The following UGT2B4 variants were observed in gnomAD, a reference collection of about 807,000 sequenced individuals.
UGT2B4 encodes UDP-glucuronosyltransferase 2B4.
A neutral mutation model predicts 49.8 loss-of-function variants in UGT2B4; 49 were observed. The ratio of observed to expected loss-of-function variants is 0.98; its 90% CI spans 0.78 to 1.25. The LOEUF (loss-of-function observed/expected upper bound fraction) is 1.25. Among genes scored for constraint, UGT2B4 ranks in the 50% most tolerant of loss-of-function variants. The pLI, the probability that UGT2B4 is intolerant of heterozygous loss-of-function variation, is 0.00. For missense variants in UGT2B4, 729 were observed against 627.7 expected, an observed-to-expected ratio of 1.16 and a Z score of -1.73; for synonymous variants, 246 against 217.7, an observed-to-expected ratio of 1.13 and a Z score of -1.14.
upstream of UGT2B4, among the ~76,000 whole-genome samples, chr4:69,500,113 G>C: frequency 6.6e-6 from 1 of 152,126 alleles, no homozygotes; most frequent in Admixed American, 6.5e-5. Context: ...GATGCAGCTC[G>C]AAGCCATTAT....
At chr4:69,501,287 A>C (rs1231945876) in intron 1 of UGT2B4, among the ~76,000 whole-genome samples, 1 of 151,590 alleles carries the variant, frequency 6.6e-6, no homozygotes, top group Non-Finnish European at 1.5e-5. Flanking sequence ...TTGCAAATCT[A>C]CTCTACCTAA....
At chr4:69,524,806 G>A (rs977851051) in intron 1 of UGT2B4, among the ~76,000 whole-genome samples, 2 of 152,058 alleles carry the variant, frequency 1.3e-5, no homozygotes, top group Admixed American at 1.3e-4. Flanking sequence ...TTCTGGTGCA[G>A]GGTCATCAGA....
chr4:69,488,865 T>G (rs1468867561), intron 3 of UGT2B4, among the ~76,000 whole-genome samples: 1 of 152,018 alleles, frequency 6.6e-6, no homozygotes, highest in Non-Finnish European at 1.5e-5. Context: ...TGCGGATCCT[T>G]ACACTAGTTG....
At chr4:69,506,488 C>T (rs1278814980) in intron 1 of UGT2B4, among the ~76,000 whole-genome samples, 1 of 151,896 alleles carries the variant, frequency 6.6e-6, no homozygotes, top group African/African-American at 2.4e-5. Context: ...ATAAATGGTT[C>T]CTGGAATTAT....
intron 1 of UGT2B4, among the ~76,000 whole-genome samples, chr4:69,505,354 G>T (rs112513574): frequency 1.3e-5 from 2 of 152,080 alleles, no homozygotes; most frequent in African/African-American, 4.8e-5. Context: ...GCATACATAG[G>T]CTCAAAATAA....
chr4:69,502,373 T>C (rs1403030709), intron 1 of UGT2B4, among the ~76,000 whole-genome samples: 2 of 151,702 alleles, frequency 1.3e-5, no homozygotes, highest in Non-Finnish European at 2.9e-5. Context: ...ACCTCCCAAC[T>C]GGGGTCTTCA....
intron 5 of UGT2B4, among the ~76,000 whole-genome samples, chr4:69,481,408 G>A (rs1727587789): frequency 6.6e-6 from 1 of 152,170 alleles, no homozygotes; most frequent in African/African-American, 2.4e-5. Context: ...TAGAAAGTTT[G>A]GCTTTTAAAT....
intron 1 of UGT2B4, among the ~76,000 whole-genome samples, chr4:69,510,579 A>G (rs1728579658): frequency 6.6e-6 from 1 of 152,082 alleles, no homozygotes; most frequent in Admixed American, 6.5e-5. Flanking sequence ...TTATTTCTAT[A>G]TACTTGTTTC....
intron 5 of UGT2B4, among the ~76,000 whole-genome samples, chr4:69,483,860 G>A (rs924709797): frequency 7.2e-5 from 11 of 152,026 alleles, no homozygotes; most frequent in African/African-American, 2.7e-4. Flanking sequence ...AATGTAAAAT[G>A]TTAGTGCACC....
chr4:69,508,220 T>C (rs1277708220), intron 1 of UGT2B4, among the ~76,000 whole-genome samples: 1 of 151,690 alleles, frequency 6.6e-6, no homozygotes, highest in Non-Finnish European at 1.5e-5. Context: ...GTTGGAGAGA[T>C]TGGGGAGAAA....
At chr4:69,495,936 T>TC, upstream of UGT2B4, 1 of 1,517,760 alleles carries the variant, frequency 6.6e-7, no homozygotes, top group South Asian at 1.4e-5. Flanking sequence ...CCAGTATAAA[T>TC]CAGTCAAGAA....
chr4:69,500,303 G>A (rs762902690), upstream of UGT2B4, among the ~76,000 whole-genome samples: 6 of 151,982 alleles, frequency 3.9e-5, no homozygotes, highest in African/African-American at 9.7e-5. Flanking sequence ...TTAATACTTC[G>A]GTGATGGGTT....
At chr4:69,498,822 G>A (rs1374047988), upstream of UGT2B4, among the ~76,000 whole-genome samples, 1 of 151,822 alleles carries the variant, frequency 6.6e-6, no homozygotes, top group Non-Finnish European at 1.5e-5. Context: ...ACAGCTCCTG[G>A]ATTTGTTGAT....
chr4:69,481,957 A>T (rs1482595429), intron 5 of UGT2B4, among the ~76,000 whole-genome samples: 1 of 152,210 alleles, frequency 6.6e-6, no homozygotes, highest in Non-Finnish European at 1.5e-5. Flanking sequence ...CTGACTTTTC[A>T]TCATATCAAG....
At chr4:69,522,698 C>T (rs1010147041) in intron 1 of UGT2B4, among the ~76,000 whole-genome samples, 2 of 152,112 alleles carry the variant, frequency 1.3e-5, no homozygotes, top group African/African-American at 2.4e-5. Flanking sequence ...ATGGCTGTGG[C>T]ATTTTCTTAA....
chr4:69,499,147 T>C (rs1357960916), upstream of UGT2B4, among the ~76,000 whole-genome samples: 1 of 152,228 alleles, frequency 6.6e-6, no homozygotes, highest in Non-Finnish European at 1.5e-5. Context: ...GAGCAGGTTG[T>C]TCAATTTCCC....
intron 3 of UGT2B4, among the ~76,000 whole-genome samples, chr4:69,488,328 G>C (rs189862534): frequency 6.6e-6 from 1 of 151,930 alleles, no homozygotes. Context: ...ACAGTGATTC[G>C]TATGTTTTGC....
chr4:69,494,875 T>G (rs1238596032), intron 1 of UGT2B4, among the ~76,000 whole-genome samples: 3 of 152,180 alleles, frequency 2.0e-5, no homozygotes, highest in Non-Finnish European at 1.5e-5. Flanking sequence ...GATATGTGAT[T>G]GCTTAAAGAA....
chr4:69,495,979 T>C, upstream of UGT2B4: 1 of 1,444,204 alleles, frequency 6.9e-7, no homozygotes, highest in Non-Finnish European at 9.2e-7. Context: ...TCAAAGTAAA[T>C]ACATTATATT....
Sources: allele counts gnomAD v4.1 joint callset (sites outside exome capture counted in the v4.1 genomes callset), GRCh38; gene constraint gnomAD v4.1.1; transcripts MANE v1.5; gene names NCBI Gene and HGNC (gene_info 2026-07-23, HGNC 2026-07-21).